Variants in PPP2R3B observed in about 807,000 individuals in gnomAD.
PPP2R3B encodes protein phosphatase 2 regulatory subunit B''beta.
In PPP2R3B, 68 loss-of-function variants were observed where a neutral mutation model predicts 72.9. The observed-to-expected ratio is 0.93, with a 90% CI of 0.77 to 1.14. The LOEUF is 1.14. Among genes scored for constraint, PPP2R3B ranks in the 50% most tolerant of loss-of-function variants. The pLI, the probability that PPP2R3B is intolerant of heterozygous loss-of-function variation, is 0.00. For missense variants in PPP2R3B, 1,018 were observed against 842.0 expected (o/e 1.21, Z -2.59); for synonymous variants, 466 against 375.8 (o/e 1.24, Z -2.78).
intron 1 of PPP2R3B, among the ~76,000 whole-genome samples, chrX:376,103 A>G (rs933864848): frequency 6.6e-6 from 1 of 152,140 alleles, no homozygotes; most frequent in African/African-American, 2.4e-5. Flanking sequence ...AGGGAGAAGA[A>G]TCGCTTGAAC....
chrX:356,240 C>CA (rs1317614052), intron 2 of PPP2R3B, among the ~76,000 whole-genome samples: 1 of 152,150 alleles, frequency 6.6e-6, no homozygotes, highest in Non-Finnish European at 1.5e-5. Context: ...CGTAGAGACA[C>CA]AGTCTTGCTC....
intron 1 of PPP2R3B, among the ~76,000 whole-genome samples, chrX:372,697 G>A (rs1294254864): frequency 6.6e-6 from 1 of 152,152 alleles, no homozygotes; most frequent in Non-Finnish European, 1.5e-5. Context: ...GGAGGCTCAC[G>A]CCCCTACTCC....
chrX:363,637 C>A (rs2071608173), intron 1 of PPP2R3B, among the ~76,000 whole-genome samples: 1 of 142,160 alleles, frequency 7.0e-6, no homozygotes, highest in East Asian at 2.1e-4. Context: ...AGCCCACCAT[C>A]CCACAGTCAT....
chrX:369,351 C>T (rs2071804822), intron 1 of PPP2R3B, among the ~76,000 whole-genome samples: 1 of 152,192 alleles, frequency 6.6e-6, no homozygotes, highest in Non-Finnish European at 1.5e-5. Context: ...GAGCCCGTCA[C>T]CCAAAGCGCA....
At chrX:383,276 G>C (rs184533519) in intron 1 of PPP2R3B, among the ~76,000 whole-genome samples, 1 of 152,166 alleles carries the variant, frequency 6.6e-6, no homozygotes. Context: ...AAGTAGAGAG[G>C]CTGGTCCATT....
intron 8 of PPP2R3B, chrX:341,614 C>T (rs2738363): frequency 0.45 from 291,409 of 646,110 alleles, 68,526 homozygotes; most frequent in South Asian, 0.53. Context: ...AGTGCACCTT[C>T]GTTACTGCTC....
chrX:370,317 G>A (rs774591899), intron 1 of PPP2R3B, among the ~76,000 whole-genome samples: 1 of 152,324 alleles, frequency 6.6e-6, no homozygotes, highest in Admixed American at 6.5e-5. Context: ...ACACATGACT[G>A]CAGCCGAGCA....
chrX:345,237 GC>G (rs2071172524), intron 7 of PPP2R3B: 1 of 664,424 alleles, frequency 1.5e-6, no homozygotes, highest in Admixed American at 2.1e-5. Flanking sequence ...AGCGCTGCTG[GC>G]CCTCGGGCCA....
At chrX:364,462 A>C (rs1367662535) in intron 1 of PPP2R3B, among the ~76,000 whole-genome samples, 2 of 145,764 alleles carry the variant, frequency 1.4e-5, no homozygotes, top group Non-Finnish European at 3.0e-5. Context: ...TGAGCTGAGG[A>C]GTTCAAGACC....
In PPP2R3B at chrX:365,244, GGC is replaced by G. The variant is rs1230797432; in HGVS notation, c.325-3656_325-3655del. Among the ~76,000 whole-genome samples the G allele has an allele frequency of 9.7e-4, 24 of 24,868 alleles. 2 individuals are homozygous for G. The highest frequency in any genetic ancestry group is 1.3e-3 in the Non-Finnish European group (18 of 13,854). 16.3% of individuals were successfully genotyped at this position (24,868 alleles called of 152,430 possible). A position where few individuals can be genotyped will look rare whatever the true frequency, so the allele number is the denominator to read the frequency against. On this transcript the variant is annotated intron_variant, in intron 1 of 12. Transcript: ENST00000390665. Reference sequence around the variant, plus strand: ...AAACAAACGATTAACCAGGTGTGGTGGCGCATGCCTGTACTCCCAGCTACTCG... The same window carrying G: ...AAACAAACGATTAACCAGGTGTGGTGGCATGCCTGTACTCCCAGCTACTCG...
At position 345,642 on chromosome X, in the gene PPP2R3B, T is replaced by G. The variant is rs1339597862; in HGVS notation, c.910A>C (p.Ile304Leu). The G allele has an allele frequency of 1.2e-6, 2 of 1,612,870 alleles. No homozygotes were observed. Among genetic ancestry groups the G allele is most frequent in the Non-Finnish European group, 1.7e-6 (2 of 1,179,508 alleles). Reference sequence around the variant, plus strand: ...GAGAAGAATTCGGTCAGCTGGTTGATGTCCGCCTCCTCCTCCAGCAGCGCC... The same window carrying G: ...GAGAAGAATTCGGTCAGCTGGTTGAGGTCCGCCTCCTCCTCCAGCAGCGCC... Reference protein sequence around the residue: ...NVALLEEEADINQLTEFFSYE... With the variant: ...NVALLEEEADLNQLTEFFSYE... Residue 304 changes from isoleucine to leucine, a missense_variant, in exon 7 of 13, where the codon ATC becomes CTC. Coordinates refer to ENST00000390665, the MANE Select transcript of PPP2R3B (RefSeq NM_013239.5).
intron 9 of PPP2R3B, 172 bp from the exon 10 acceptor site, chrX:341,112 TCCCCCTGTGCCGTGC>T (rs2071059884): frequency 2.4e-6 from 1 of 422,090 alleles, no homozygotes; most frequent in Admixed American, 4.8e-4. Flanking sequence ...CGCGCACGCG[TCCCCCTGTGCCGTGC>T]AGCCCCCACC....
At chrX:345,298 A>C in intron 7 of PPP2R3B, 2 of 731,778 alleles carry the variant, frequency 2.7e-6, no homozygotes, top group Non-Finnish European at 2.4e-6. Context: ...GCCCCCAGGC[A>C]GAGGCCTCGG....
At chrX:373,792 TGGGGCC>T (rs1165869925) in intron 1 of PPP2R3B, 2 of 150,566 alleles carry the variant, frequency 1.3e-5, no homozygotes, top group African/African-American at 4.9e-5. Flanking sequence ...CCAGGCGCTC[TGGGGCC>T]GGGGCCCGCG....
Position 386,727 on chromosome X carries a change from GCGCCC to G in PPP2R3B, c.-41_-37del, listed in dbSNP as rs747610295. 28 of 1,205,260 alleles carry G rather than the reference GCGCCC, an allele frequency of 2.3e-5. No individual in the cohort carries two copies. The highest frequency in any genetic ancestry group is 1.5e-4 in the South Asian group (4 of 26,336). 74.7% of individuals were successfully genotyped at this position (1,205,260 alleles called of 1,614,324 possible). A position where few individuals can be genotyped will look rare whatever the true frequency, so the allele number is the denominator to read the frequency against. ...GGGCCCGCGGCGCCCCCGGACGCCC[GCGCCC>G]CGCCCCGCCCCGGGGGCTTCGGTCC... is the stretch of plus-strand genomic sequence containing the variant. On this transcript the variant is annotated 5_prime_UTR_variant, in exon 1 of 13. Coordinates refer to ENST00000390665, the MANE Select transcript of PPP2R3B (RefSeq NM_013239.5).
chrX:346,699 A>C lies in PPP2R3B; in HGVS notation c.792+2T>G. Reference sequence around the variant, plus strand: ...CCGACGGCCCCTCCGCTGGGGACCCACCGTGGTGATGTAGCGCGAGTGGAA... The same window carrying C: ...CCGACGGCCCCTCCGCTGGGGACCCCCCGTGGTGATGTAGCGCGAGTGGAA... On this transcript the variant is annotated splice_donor_variant, in intron 5 of 12. Coordinates refer to ENST00000390665, the MANE Select transcript of PPP2R3B (RefSeq NM_013239.5). LOFTEE classifies it high-confidence loss of function. The C allele has an allele frequency of 6.2e-7, 1 of 1,607,360 alleles. No homozygotes were observed. The highest frequency in any genetic ancestry group is 8.5e-7 in the Non-Finnish European group (1 of 1,176,886).
At chrX:372,732 G>A (rs766391971) in intron 1 of PPP2R3B, among the ~76,000 whole-genome samples, 1 of 152,294 alleles carries the variant, frequency 6.6e-6, no homozygotes, top group South Asian at 2.1e-4. Flanking sequence ...GCCCAGGTGG[G>A]CGATCACCTG....
At chrX:370,930 G>A (rs367834269) in intron 1 of PPP2R3B, among the ~76,000 whole-genome samples, 11 of 152,292 alleles carry the variant, frequency 7.2e-5, no homozygotes, top group Admixed American at 5.9e-4. Flanking sequence ...GCGTCCACCC[G>A]AAGGACCCCG....
At chrX:378,832 G>A (rs1423209584) in intron 1 of PPP2R3B, among the ~76,000 whole-genome samples, 8 of 152,224 alleles carry the variant, frequency 5.3e-5, no homozygotes, top group Non-Finnish European at 1.2e-4. Flanking sequence ...TTGTTACGAA[G>A]GCAGTGAGAA....
Sources: allele counts gnomAD v4.1 joint callset (sites outside exome capture counted in the v4.1 genomes callset), GRCh38; gene constraint gnomAD v4.1.1; transcripts MANE v1.5; gene names NCBI Gene and HGNC (gene_info 2026-07-23, HGNC 2026-07-21).